Variants in GRIP1 observed in about 807,000 individuals in gnomAD.
The protein encoded by GRIP1 is glutamate receptor-interacting protein 1.
A neutral mutation model predicts 129.9 loss-of-function variants in GRIP1; 45 were observed. That is an observed-to-expected ratio of 0.35 (90% confidence interval 0.27 to 0.44). The LOEUF is 0.44. Among genes scored for constraint, GRIP1 ranks in the 20% least tolerant of loss-of-function variants. The pLI, the probability that GRIP1 is intolerant of heterozygous loss-of-function variation, is 1.00. For synonymous variants in GRIP1, 530 were observed against 520.8 expected, an observed-to-expected ratio of 1.02 and a Z score of -0.24; for missense variants, 1,196 against 1,396.8, an observed-to-expected ratio of 0.86 and a Z score of 2.29.
At chr12:66,435,270 C>G (rs1158297377) in intron 13 of GRIP1, among the ~76,000 whole-genome samples, 2 of 149,772 alleles carry the variant, frequency 1.3e-5, no homozygotes, top group African/African-American at 4.9e-5. Flanking sequence ...GGCACAATCA[C>G]AGTTCACTGC....
chr12:66,721,470 T>C (rs1439819798), intron 1 of GRIP1, among the ~76,000 whole-genome samples: 1 of 152,048 alleles, frequency 6.6e-6, no homozygotes, highest in Non-Finnish European at 1.5e-5. Flanking sequence ...AGAAAGCGTT[T>C]TATCATGTTG....
intron 1 of GRIP1, among the ~76,000 whole-genome samples, chr12:67,010,742 A>G (rs1038072589): frequency 1.3e-5 from 2 of 152,114 alleles, no homozygotes; most frequent in African/African-American, 4.8e-5. Context: ...AAGCGGGGAC[A>G]CCGAGCCCCA....
chr12:66,446,097 G>GCCCCCCCACCCCA (rs1289693883), intron 11 of GRIP1, among the ~76,000 whole-genome samples: 3 of 139,270 alleles, frequency 2.2e-5, no homozygotes, highest in South Asian at 4.5e-4. Context: ...TCCTCCTGCC[G>GCCCCCCCACCCCA]CCCCCCACCA....
At chr12:66,548,431 G>A (rs1405030308) in intron 2 of GRIP1, among the ~76,000 whole-genome samples, 1 of 152,170 alleles carries the variant, frequency 6.6e-6, no homozygotes, top group East Asian at 1.9e-4. Flanking sequence ...CACATCCCAA[G>A]GGCAAGAACT....
chr12:66,581,892 C>T lies in GRIP1; in HGVS notation c.136+14955G>A, dbSNP rs1448896790. Among the ~76,000 whole-genome samples, 8 of 152,204 alleles carry T rather than the reference C, an allele frequency of 5.3e-5. No individual in the cohort carries two copies. The East Asian group carries it at 1.6e-3, about 29-fold the overall frequency. ...TCAATAGAAAAAGAGGGAATCCTCC[C>T]TAACTCATTTTATGAGGCCAGCATC... On this transcript the variant is annotated intron_variant, in intron 2 of 24. Coordinates refer to ENST00000359742, the MANE Select transcript of GRIP1 (RefSeq NM_001366722.1).
At chr12:66,514,588 G>A (rs1034406821) in intron 7 of GRIP1, among the ~76,000 whole-genome samples, 5 of 152,028 alleles carry the variant, frequency 3.3e-5, no homozygotes, top group African/African-American at 4.8e-5. Flanking sequence ...AAAAAAGCAA[G>A]GTGGAAAGTA....
chr12:66,759,742 C>T (rs567672014), intron 1 of GRIP1, among the ~76,000 whole-genome samples: 2 of 145,164 alleles, frequency 1.4e-5, no homozygotes, highest in Admixed American at 1.4e-4. Flanking sequence ...CAAAATGCCG[C>T]TAGTCTCTTT....
intron 1 of GRIP1, among the ~76,000 whole-genome samples, chr12:66,711,168 A>C (rs1318400963): frequency 2.6e-5 from 4 of 151,902 alleles, no homozygotes; most frequent in African/African-American, 4.8e-5. Flanking sequence ...CTATTAGAAA[A>C]GTCTTTTCAA....
At chr12:67,005,892 T>C (rs1163183922) in intron 1 of GRIP1, among the ~76,000 whole-genome samples, 10 of 152,204 alleles carry the variant, frequency 6.6e-5, no homozygotes, top group Admixed American at 6.5e-4. Flanking sequence ...TAAAGACTAG[T>C]GACTTACATC....
intron 11 of GRIP1, among the ~76,000 whole-genome samples, chr12:66,453,032 C>G (rs933284773): frequency 7.9e-5 from 12 of 152,206 alleles, no homozygotes; most frequent in Middle Eastern, 6.8e-3. Context: ...GCTCTAGTGG[C>G]CAATGTCTAC....
At chr12:66,881,637 T>C (rs561544924) in intron 1 of GRIP1, among the ~76,000 whole-genome samples, 16 of 152,086 alleles carry the variant, frequency 1.1e-4, no homozygotes, top group African/African-American at 3.6e-4. Context: ...CTCACAGACA[T>C]TATTACAAAG....
chr12:66,458,666 T>C (rs572864941), intron 9 of GRIP1, among the ~76,000 whole-genome samples: 2 of 152,356 alleles, frequency 1.3e-5, no homozygotes, highest in East Asian at 3.9e-4. Flanking sequence ...ATTACAGGCA[T>C]GAGCCACTGC....
At chr12:66,912,209 A>C (rs553379491) in intron 1 of GRIP1, among the ~76,000 whole-genome samples, 7 of 152,292 alleles carry the variant, frequency 4.6e-5, no homozygotes, top group African/African-American at 1.7e-4. Flanking sequence ...CAAAGCTATT[A>C]CTGGATTAGG....
chr12:66,960,894 C>A (rs1033950850), intron 1 of GRIP1, among the ~76,000 whole-genome samples: 3 of 152,102 alleles, frequency 2.0e-5, no homozygotes, highest in Admixed American at 6.6e-5. Flanking sequence ...CTTCCTCCCT[C>A]CTCCTTCCCT....
At chr12:66,734,648 C>G (rs566677494) in intron 1 of GRIP1, among the ~76,000 whole-genome samples, 1 of 152,026 alleles carries the variant, frequency 6.6e-6, no homozygotes, top group Admixed American at 6.6e-5. Flanking sequence ...TTAAAATAAA[C>G]AAGATATTTT....
chr12:66,522,682 G>A (rs771653216), intron 5 of GRIP1, among the ~76,000 whole-genome samples: 16 of 152,206 alleles, frequency 1.1e-4, no homozygotes, highest in Non-Finnish European at 2.1e-4. Context: ...AGAGCTGGAT[G>A]GAGAATGACA....
At chr12:66,427,608 T>C (rs536015775) in intron 14 of GRIP1, among the ~76,000 whole-genome samples, 14 of 152,290 alleles carry the variant, frequency 9.2e-5, no homozygotes, top group South Asian at 4.1e-4. Flanking sequence ...CATATGTTCT[T>C]ATGTTGTTTT....
At chr12:66,962,754 T>C (rs2041940577) in intron 1 of GRIP1, among the ~76,000 whole-genome samples, 1 of 152,284 alleles carries the variant, frequency 6.6e-6, no homozygotes. Context: ...ACTTAGTCAA[T>C]AGCCCACTTA....
intron 23 of GRIP1, 82 bp from the exon 24 acceptor site, chr12:66,353,645 A>T: frequency 8.2e-7 from 1 of 1,223,898 alleles, no homozygotes; most frequent in South Asian, 1.2e-5. Flanking sequence ...CAATCTTTTC[A>T]CACGAATTTA....
Sources: gnomAD v4.1 joint callset for allele counts (sites outside exome capture counted in the v4.1 genomes callset) on GRCh38, gnomAD v4.1.1 for gene constraint, MANE v1.5 for transcripts, NCBI Gene and HGNC (gene_info 2026-07-23, HGNC 2026-07-21) for gene names.